QTMAN: variants seen among roughly 807,000 people sequenced by gnomAD.
The protein encoded by QTMAN is queuosine-tRNA mannosyltransferase.
the QTMAN span, among the ~76,000 whole-genome samples, chr2:144,125,780 A>G: frequency 2.0e-5 from 3 of 152,146 alleles, no homozygotes; most frequent in Non-Finnish European, 1.5e-5. Context: ...CAAAGATTAT[A>G]TGAAAAGGTA....
the QTMAN span, among the ~76,000 whole-genome samples, chr2:144,117,298 T>C: frequency 6.6e-6 from 1 of 152,198 alleles, no homozygotes; most frequent in Non-Finnish European, 1.5e-5. Flanking sequence ...TTTTTCAAAT[T>C]CAACCTCACA....
At chr2:144,012,409 T>C in the QTMAN span, among the ~76,000 whole-genome samples, 25 of 152,240 alleles carry the variant, frequency 1.6e-4, no homozygotes, top group African/African-American at 6.0e-4. Flanking sequence ...GCCACTAAGA[T>C]TGATGGTAAG....
chr2:144,152,081 C>T, the QTMAN span, among the ~76,000 whole-genome samples: 1 of 152,220 alleles, frequency 6.6e-6, no homozygotes, highest in East Asian at 1.9e-4. Context: ...AGCCAGTTTC[C>T]CAAAAGCTGT....
chr2:144,049,899 C>T, the QTMAN span, among the ~76,000 whole-genome samples: 1 of 151,972 alleles, frequency 6.6e-6, no homozygotes, highest in Admixed American at 6.5e-5. Context: ...AATTAAGCCA[C>T]CTATTTAGTA....
chr2:144,192,778 C>G, the QTMAN span, among the ~76,000 whole-genome samples: 1 of 152,182 alleles, frequency 6.6e-6, no homozygotes, highest in African/African-American at 2.4e-5. Flanking sequence ...CTGAAATGAC[C>G]AATTACTATT....
At chr2:144,078,751 G>A in the QTMAN span, among the ~76,000 whole-genome samples, 4 of 152,064 alleles carry the variant, frequency 2.6e-5, no homozygotes, top group East Asian at 7.7e-4. Flanking sequence ...ACTTCCTTTG[G>A]CATCTTCATA....
chr2:144,224,430 A>G, the QTMAN span, among the ~76,000 whole-genome samples: 3 of 152,338 alleles, frequency 2.0e-5, no homozygotes, highest in East Asian at 3.9e-4. Context: ...TAGGTAACAA[A>G]GCAAATGGGA....
At chr2:144,174,713 T>C in the QTMAN span, among the ~76,000 whole-genome samples, 6 of 152,156 alleles carry the variant, frequency 3.9e-5, no homozygotes, top group African/African-American at 1.2e-4. Context: ...GATGGTCTTA[T>C]AAAGGGCAGT....
the QTMAN span, among the ~76,000 whole-genome samples, chr2:144,247,614 G>A: frequency 3.9e-5 from 6 of 152,224 alleles, no homozygotes; most frequent in South Asian, 1.2e-3. Flanking sequence ...TAGCAATGTG[G>A]AGATATATAA....
At chr2:144,149,244 G>A in the QTMAN span, among the ~76,000 whole-genome samples, 1 of 151,912 alleles carries the variant, frequency 6.6e-6, no homozygotes, top group African/African-American at 2.4e-5. Flanking sequence ...AGCAGGAAAG[G>A]ACACAAGGTG....
chr2:144,193,549 C>T, the QTMAN span, among the ~76,000 whole-genome samples: 1 of 150,778 alleles, frequency 6.6e-6, no homozygotes, highest in African/African-American at 2.4e-5. Flanking sequence ...GAGAGAAGGT[C>T]TCGCTCTGTC....
the QTMAN span, among the ~76,000 whole-genome samples, chr2:144,246,875 C>A: frequency 1.3e-5 from 2 of 152,110 alleles, no homozygotes; most frequent in Admixed American, 6.6e-5. Context: ...TTAAAGGAAT[C>A]AAAAATGCTT....
the QTMAN span, among the ~76,000 whole-genome samples, chr2:144,107,086 C>T: frequency 6.6e-6 from 1 of 152,198 alleles, no homozygotes; most frequent in Non-Finnish European, 1.5e-5. Flanking sequence ...ATACCAGAAT[C>T]TCTGGGACAC....
At chr2:143,998,012 T>C in the QTMAN span, among the ~76,000 whole-genome samples, 1 of 151,990 alleles carries the variant, frequency 6.6e-6, no homozygotes, top group African/African-American at 2.4e-5. Flanking sequence ...CAACCCCTAA[T>C]AAATAAATCT....
At chr2:144,314,716 TA>T in the QTMAN span, among the ~76,000 whole-genome samples, 1 of 151,948 alleles carries the variant, frequency 6.6e-6, no homozygotes, top group Non-Finnish European at 1.5e-5. Context: ...CCGTCTCAAA[TA>T]AATAAATAAA....
the QTMAN span, among the ~76,000 whole-genome samples, chr2:144,247,836 C>T: frequency 9.2e-5 from 14 of 152,124 alleles, no homozygotes; most frequent in Non-Finnish European, 1.9e-4. Flanking sequence ...CGCCACCACA[C>T]CTGACTAATT....
chr2:144,021,888 C>T, the QTMAN span, among the ~76,000 whole-genome samples: 1,144 of 152,092 alleles, frequency 7.5e-3, 18 homozygotes, highest in African/African-American at 0.026. Context: ...TGCGTCCATG[C>T]TTATAAAAGA....
the QTMAN span, among the ~76,000 whole-genome samples, chr2:144,030,309 C>T: frequency 6.6e-6 from 1 of 152,100 alleles, no homozygotes; most frequent in Non-Finnish European, 1.5e-5. Flanking sequence ...TAATAATCAG[C>T]TTCATTGATG....
the QTMAN span, among the ~76,000 whole-genome samples, chr2:144,186,051 A>G: frequency 6.6e-6 from 1 of 152,198 alleles, no homozygotes; most frequent in African/African-American, 2.4e-5. Flanking sequence ...CAGTTGAGAC[A>G]TGGTATTCAT....
Sources: gnomAD v4.1 joint callset for allele counts (sites outside exome capture counted in the v4.1 genomes callset) on GRCh38, gnomAD v4.1.1 for gene constraint, MANE v1.5 for transcripts, NCBI Gene and HGNC (gene_info 2026-07-23, HGNC 2026-07-21) for gene names.